The following CTBS variants were observed in gnomAD, a reference collection of about 807,000 sequenced individuals.
CTBS encodes chitobiase.
In CTBS, 35 loss-of-function variants were observed where a neutral mutation model predicts 44.3. The observed-to-expected ratio is 0.79, with a 90% CI of 0.60 to 1.05. The LOEUF (loss-of-function observed/expected upper bound fraction) is 1.05. CTBS is among the 50% of genes least tolerant of loss of function. The pLI is 0.00. For missense variants in CTBS, 458 were observed against 475.3 expected, an observed-to-expected ratio of 0.96 and a Z score of 0.34; for synonymous variants, 143 against 168.0, an observed-to-expected ratio of 0.85 and a Z score of 1.15.
In CTBS at chr1:84,563,807, G is replaced by T; in HGVS notation, c.723C>A (p.Ser241Arg). 6.2e-7 allele frequency: 1 copy of T among 1,607,626 alleles called. No individual in the cohort carries two copies. The highest frequency in any genetic ancestry group is 8.5e-7 in the Non-Finnish European group (1 of 1,176,326). The change falls in exon 5 of 7, where the codon AGC becomes AGA. Residue 241 changes from serine (S) to arginine (R), a missense_variant. Transcript: ENST00000370630. ...LTGYNDYIKM[S>R]INPKKLVMGV... is the part of the protein sequence containing the mutation. ...CCATTACAAGTTTCTTAGGATTAATGCTCATCTTGATGTAGTCATTATATC... is the reference window on the plus strand; with the variant it reads ...CCATTACAAGTTTCTTAGGATTAATTCTCATCTTGATGTAGTCATTATATC...
chr1:84,567,885 A>T (rs889180264), intron 3 of CTBS, among the ~76,000 whole-genome samples: 9 of 152,174 alleles, frequency 5.9e-5, no homozygotes, highest in African/African-American at 2.2e-4. Flanking sequence ...CATCATCCAA[A>T]TCCAAACTAA....
At chr1:84,573,380 T>A (rs537178421) in intron 1 of CTBS, among the ~76,000 whole-genome samples, 68 of 152,368 alleles carry the variant, frequency 4.5e-4, no homozygotes, top group African/African-American at 1.5e-3. Context: ...AAGGTTATCC[T>A]ACTTTGTCTG....
At position 84,570,098 on chromosome 1, in the gene CTBS, C is replaced by T. The variant is rs371253779; in HGVS notation, c.358G>A (p.Ala120Thr). Residue 120 changes from alanine to threonine, a missense_variant, in exon 3 of 7, where the codon GCA (alanine) becomes ACA (threonine). Transcript: ENST00000370630. ...TTAAGTTTTTGAGCTATCCAGGATG[C>T]TCTGAAAGCAGGATCAATGATATCC... Reference protein sequence around the residue: ...LKDIIDPAFRASWIAQKLNLA... With the variant: ...LKDIIDPAFRTSWIAQKLNLA... 1 of 1,613,458 alleles carries T rather than the reference C, an allele frequency of 6.2e-7. No individual in the cohort carries two copies.
intron 6 of CTBS, among the ~76,000 whole-genome samples, chr1:84,560,518 T>C (rs1290031439): frequency 1.3e-5 from 2 of 152,234 alleles, no homozygotes; most frequent in Non-Finnish European, 2.9e-5. Flanking sequence ...GTTTTCATTC[T>C]GAAACCTCCC....
Position 84,555,071 on chromosome 1 carries a change from A to G in CTBS, c.1086T>C (p.Ser362=), listed in dbSNP as rs752461357. ...TTTGCTGTTTGGCTACAGCATCTCC[A>G]GAGTAGTCAAGACAGTTTGCATTCC... is the stretch of plus-strand genomic sequence containing the variant. The part of the protein sequence containing the change: ...GMWNANCLDY[S]GDAVAKQQTE... The change falls in exon 7 of 7, where the codon TCT becomes TCC. Residue 362 remains serine, a synonymous_variant. Transcript: ENST00000370630. 5 of 1,613,938 alleles carry G rather than the reference A, an allele frequency of 3.1e-6. No individual in the cohort carries two copies. In the Admixed American group the frequency reaches 5.0e-5, roughly 16 times the overall value.
intron 2 of CTBS, 44 bp downstream of exon 2, chr1:84,570,538 T>G (rs1385766153): frequency 6.4e-7 from 1 of 1,551,024 alleles, no homozygotes; most frequent in African/African-American, 1.4e-5. Context: ...GTGATACAGA[T>G]AAATTTCCCA....
intron 1 of CTBS, among the ~76,000 whole-genome samples, chr1:84,572,218 A>T (rs1176627146): frequency 2.0e-5 from 3 of 151,316 alleles, no homozygotes; most frequent in Admixed American, 6.6e-5. Context: ...GCATTTCTTA[A>T]TTTTTTTTAA....
intron 3 of CTBS, 50 bp downstream of exon 3, chr1:84,569,881 T>C: frequency 2.9e-6 from 4 of 1,403,500 alleles, no homozygotes; most frequent in African/African-American, 1.4e-5. Context: ...CTCATGAGTA[T>C]ATTCTGATAT....
intron 6 of CTBS, among the ~76,000 whole-genome samples, chr1:84,556,655 T>C (rs1194352554): frequency 7.6e-6 from 1 of 131,472 alleles, no homozygotes; most frequent in Non-Finnish European, 1.5e-5. Context: ...GAGGTTGCAG[T>C]AAGCTGAGAT....
Position 84,555,178 on chromosome 1 carries a change from GATGAAAGTGGCC to G in CTBS, c.967_978del (p.Gly323_His326del), listed in dbSNP as rs1261519589. On this transcript the variant is annotated inframe_deletion, in exon 7 of 7. Transcript: ENST00000370630. ...CTCTGAGGGTTATCATACCATACTT[GATGAAAGTGGCC>G]AGCAGGATCCTATATAAATAAATTA... 5.6e-6 allele frequency: 9 copies of G among 1,613,312 alleles called. No homozygotes were observed. Among genetic ancestry groups the G allele is most frequent in the Middle Eastern group, 1.7e-4 (1 of 6,054 alleles).
Position 84,550,387 on chromosome 1 carries a change from AAT to A in CTBS, c.*4610_*4611del, listed in dbSNP as rs1303600261. The A allele has an allele frequency of 2.0e-6, 2 of 986,590 alleles. No homozygotes were observed. The highest frequency in any genetic ancestry group is 1.7e-5 in the African/African-American group (1 of 58,218). The allele number at this position is 986,590 out of a possible 1,614,324, so 61.1% of individuals were successfully genotyped here. Reference sequence around the variant, plus strand: ...TGTTCACAAGGCAGTTAAAAATAAAAATGTTTATATGTTATACTAAATAAATA... The same window carrying A: ...TGTTCACAAGGCAGTTAAAAATAAAAGTTTATATGTTATACTAAATAAATA... On this transcript the variant is annotated 3_prime_UTR_variant, in exon 7 of 7. Coordinates refer to ENST00000370630, the MANE Select transcript of CTBS (RefSeq NM_004388.3).
Position 84,550,840 on chromosome 1 carries a change from AATT to A in CTBS, c.*4156_*4158del. On this transcript the variant is annotated 3_prime_UTR_variant, in exon 7 of 7. Transcript: ENST00000370630. ...ATTTTAAGTAGTTTTCCTGTATTAG[AATT>A]ATTAAGTCTGATAAACCACTGAGCT... The A allele has an allele frequency of 1.0e-6, 1 of 996,812 alleles. No homozygotes were observed. The highest frequency in any genetic ancestry group is 1.7e-5 in the African/African-American group (1 of 57,784). 61.7% of individuals were successfully genotyped at this position (996,812 alleles called of 1,614,324 possible).
chr1:84,550,656 T>C lies in CTBS; in HGVS notation c.*4343A>G. 7.9e-7 allele frequency: 1 copy of C among 1,263,896 alleles called. No individual in the cohort carries two copies. The highest frequency in any genetic ancestry group is 3.1e-5 in the South Asian group (1 of 31,966). 78.3% of individuals were successfully genotyped at this position (1,263,896 alleles called of 1,614,324 possible). A position where few individuals can be genotyped will look rare whatever the true frequency, so the allele number is the denominator to read the frequency against. On this transcript the variant is annotated 3_prime_UTR_variant, in exon 7 of 7. Transcript: ENST00000370630. ...GATTGACTGTATTAAAATTGTTACC[T>C]TAACAGTAAAGAGCATAGGTGAAAA...
intron 1 of CTBS, 121 bp downstream of exon 1, chr1:84,574,118 C>T: frequency 2.0e-6 from 3 of 1,506,782 alleles, no homozygotes; most frequent in Non-Finnish European, 8.9e-7. Flanking sequence ...CAGGAAGGCC[C>T]TCATCGAGTG....
rs926744011 is a variant in CTBS, at chr1:84,552,286, C to T, written c.*2713G>A. ...AAAGTTTAATATATCATCTGAGGAT[C>T]CTGTTTAAAAATGCAGGATCTGACT... On this transcript the variant is annotated 3_prime_UTR_variant, in exon 7 of 7. Transcript: ENST00000370630. The T allele has an allele frequency of 6.6e-6, 1 of 152,214 alleles. No homozygotes were observed. The highest frequency in any genetic ancestry group is 2.1e-4 in the South Asian group (1 of 4,826). The allele number at this position is 152,214 out of a possible 1,614,324, so 9.4% of individuals were successfully genotyped here.
At chr1:84,574,019 C>A in intron 1 of CTBS, 1 of 1,389,428 alleles carries the variant, frequency 7.2e-7, no homozygotes, top group Non-Finnish European at 9.4e-7. Context: ...CGCCTGCCTA[C>A]GCAGGCACTT....
chr1:84,563,965 TGTTATAA>T, intron 4 of CTBS, 133 bp from the exon 5 acceptor site: 1 of 1,043,420 alleles, frequency 9.6e-7, no homozygotes, highest in Non-Finnish European at 1.3e-6. Context: ...TTGTTTAATA[TGTTATAA>T]AACATCCCTT....
chr1:84,572,925 C>G lies in CTBS; in HGVS notation c.177+1314G>C, dbSNP rs753615640. ...AATTCCTGACCTCAAGTGATCCACC[C>G]ACCTTGGCCTCACAAAGTGCTTCTC... On this transcript the variant is annotated intron_variant, in intron 1 of 6. Coordinates refer to ENST00000370630, the MANE Select transcript of CTBS (RefSeq NM_004388.3). 7.8e-4 allele frequency among the ~76,000 whole-genome samples: 118 copies of G among 152,102 alleles called. 1 individual carries two copies. Among genetic ancestry groups the G allele is most frequent in the Non-Finnish European group, 5.0e-4 (34 of 68,030 alleles).
chr1:84,564,914 C>T (rs765415033), intron 4 of CTBS, among the ~76,000 whole-genome samples: 2 of 152,004 alleles, frequency 1.3e-5, no homozygotes, highest in Non-Finnish European at 2.9e-5. Flanking sequence ...TGGTGCATGC[C>T]TGTATACCCA....
Sources: allele counts gnomAD v4.1 joint callset (sites outside exome capture counted in the v4.1 genomes callset), GRCh38; gene constraint gnomAD v4.1.1; transcripts MANE v1.5; gene names NCBI Gene and HGNC (gene_info 2026-07-23, HGNC 2026-07-21).